ESRP1: variants seen among roughly 807,000 people sequenced by gnomAD.
ESRP1 encodes the protein epithelial splicing regulatory protein 1.
A neutral mutation model predicts 81.7 loss-of-function variants in ESRP1; 33 were observed. That is an observed-to-expected ratio of 0.40 (90% CI 0.31 to 0.54). The LOEUF (loss-of-function observed/expected upper bound fraction) is 0.54. Among genes scored for constraint, ESRP1 ranks in the 20% least tolerant of loss-of-function variants. ESRP1 has a pLI of 0.41. For synonymous variants in ESRP1, 320 were observed against 303.3 expected (o/e 1.06, Z -0.57); for missense variants, 672 against 833.1 (o/e 0.81, Z 2.38).
At chr8:94,676,939 A>C (rs111445967) in intron 12 of ESRP1, among the ~76,000 whole-genome samples, 2,864 of 151,966 alleles carry the variant, frequency 0.019, 75 homozygotes, top group African/African-American at 0.061. Flanking sequence ...GATCACCCGA[A>C]GTCAGGAGTT....
intron 13 of ESRP1, among the ~76,000 whole-genome samples, chr8:94,690,276 ATT>A (rs373440584): frequency 8.8e-4 from 54 of 61,360 alleles, no homozygotes; most frequent in African/African-American, 3.6e-3. Flanking sequence ...TGCCTGGCTA[ATT>A]TTTTTTTTTT....
intron 12 of ESRP1, among the ~76,000 whole-genome samples, chr8:94,675,658 G>A (rs975449275): frequency 6.6e-5 from 10 of 152,142 alleles, no homozygotes; most frequent in Non-Finnish European, 1.3e-4. Context: ...TAGCTTTTAC[G>A]ATATCCTTTA....
In ESRP1 at chr8:94,696,903, C is replaced by G; in HGVS notation, c.2023C>G (p.Pro675Ala). ...IHTNDQARTLPKEWVCI is the reference protein window; with the variant it reads ...IHTNDQARTLAKEWVCI ...CACAAATGACCAGGCCAGGACTCTACCCAAAGAATGGGTTTGTATTTAAGG... is the reference window on the plus strand; with the variant it reads ...CACAAATGACCAGGCCAGGACTCTAGCCAAAGAATGGGTTTGTATTTAAGG... The change falls in exon 15 of 16, where the codon CCC becomes GCC. Residue 675 changes from proline to alanine, a missense_variant. Transcript: ENST00000433389. 4 of 1,593,816 alleles carry G rather than the reference C, an allele frequency of 2.5e-6. No individual in the cohort carries two copies. The highest frequency in any genetic ancestry group is 3.4e-6 in the Non-Finnish European group (4 of 1,169,332).
chr8:94,641,797 G>T (rs971666322), intron 1 of ESRP1, 159 bp from the exon 2 acceptor site: 1 of 1,060,958 alleles, frequency 9.4e-7, no homozygotes, highest in Non-Finnish European at 1.3e-6. Flanking sequence ...GGGGCGGGGG[G>T]CAGGAACGCA....
intron 15 of ESRP1, among the ~76,000 whole-genome samples, chr8:94,704,774 A>G (rs955102958): frequency 0.074 from 1,520 of 20,556 alleles, 53 homozygotes; most frequent in South Asian, 0.19. Context: ...TTGAAAAAAA[A>G]AAAAAAAAAA....
intron 15 of ESRP1, among the ~76,000 whole-genome samples, chr8:94,703,281 A>G (rs1809922049): frequency 6.6e-6 from 1 of 151,974 alleles, no homozygotes; most frequent in African/African-American, 2.4e-5. Context: ...CAGCCTCCCG[A>G]GTAGCTGGGA....
At position 94,662,462 on chromosome 8, in the gene ESRP1, T is replaced by A. The variant is rs1818795233; in HGVS notation, c.590-39T>A. 5 of 1,576,668 alleles carry A rather than the reference T, an allele frequency of 3.2e-6. No homozygotes were observed. The South Asian group carries it at 5.9e-5, about 18-fold the overall frequency. ...ATTTCCTCCTACAACTTTGTCTCCCTAATCACTAAAATGATGACTTTTATG... is the reference window on the plus strand; with the variant it reads ...ATTTCCTCCTACAACTTTGTCTCCCAAATCACTAAAATGATGACTTTTATG... On this transcript the variant is annotated intron_variant, in intron 5 of 15. Coordinates refer to ENST00000433389, the MANE Select transcript of ESRP1 (RefSeq NM_017697.4).
chr8:94,667,457 G>A (rs922872550), intron 9 of ESRP1, among the ~76,000 whole-genome samples: 5 of 150,492 alleles, frequency 3.3e-5, no homozygotes, highest in Admixed American at 6.6e-5. Context: ...AGGTAATTGA[G>A]TTACTTGCAG....
At chr8:94,673,036 T>C (rs551210650) in intron 11 of ESRP1, among the ~76,000 whole-genome samples, 26 of 152,342 alleles carry the variant, frequency 1.7e-4, no homozygotes, top group Non-Finnish European at 3.7e-4. Context: ...ATACAAGGAA[T>C]CAGAAACCAT....
rs536251572 is a variant in ESRP1 at position 94,693,446 on chromosome 8, A to G, written c.1971+619A>G. ...GCTGTTTTCTCACATATGCTAAAGA[A>G]TGAGATGATTTTTAGTAAGAGTTCT... On this transcript the variant is annotated intron_variant, in intron 14 of 15. Coordinates refer to ENST00000433389, the MANE Select transcript of ESRP1 (RefSeq NM_017697.4). 6.8e-4 allele frequency among the ~76,000 whole-genome samples: 103 copies of G among 152,226 alleles called. 1 individual carries two copies. Among genetic ancestry groups the G allele is most frequent in the Non-Finnish European group, 1.4e-3 (93 of 68,046 alleles).
chr8:94,646,470 G>T (rs1338525583), intron 4 of ESRP1, 188 bp downstream of exon 4: 1 of 478,254 alleles, frequency 2.1e-6, no homozygotes, highest in Non-Finnish European at 3.7e-6. Context: ...TAATTAATCA[G>T]ATGGTTGGAC....
At chr8:94,657,472 CGTGTGTGTGTGTGTGT>C (rs9297944) in intron 4 of ESRP1, among the ~76,000 whole-genome samples, 10 of 146,268 alleles carry the variant, frequency 6.8e-5, no homozygotes, top group South Asian at 2.2e-4. Flanking sequence ...AGGCTGTGTG[CGTGTGTGTGTGTGTGT>C]GTGTGTGTGT....
intron 2 of ESRP1, among the ~76,000 whole-genome samples, chr8:94,642,787 A>G (rs1326437362): frequency 6.6e-6 from 1 of 152,192 alleles, no homozygotes; most frequent in Non-Finnish European, 1.5e-5. Context: ...ACCTGTGCAC[A>G]GATGAATGCT....
At chr8:94,677,544 C>T (rs1808694631) in intron 12 of ESRP1, among the ~76,000 whole-genome samples, 1 of 152,296 alleles carries the variant, frequency 6.6e-6, no homozygotes, top group East Asian at 1.9e-4. Context: ...ACTTAGGCAT[C>T]AATTCCTTTG....
In ESRP1 at chr8:94,678,360, G is replaced by A. The variant is rs1322714972; in HGVS notation, c.1809G>A (p.Ala603=). The change falls in exon 13 of 16, where the codon GCG becomes GCA. Residue 603 remains alanine, a synonymous_variant. Transcript: ENST00000433389. The part of the protein sequence containing the change: ...AGTQLFMNYT[A]YYPSPPGSPN... ...CTCAGCTCTTCATGAATTACACAGC[G>A]TACTATCCCAGGTAAGGCTCTGACA... 1.7e-5 allele frequency: 27 copies of A among 1,613,232 alleles called. No individual in the cohort carries two copies. Among genetic ancestry groups the A allele is most frequent in the Middle Eastern group, 3.3e-4 (2 of 6,076 alleles).
chr8:94,645,277 TAA>T (rs1328850158), intron 3 of ESRP1, among the ~76,000 whole-genome samples: 2 of 152,146 alleles, frequency 1.3e-5, no homozygotes, highest in African/African-American at 4.8e-5. Flanking sequence ...ATTTAACATT[TAA>T]AAGTCTTAAT....
At chr8:94,677,522 A>T (rs1808693661) in intron 12 of ESRP1, among the ~76,000 whole-genome samples, 1 of 152,164 alleles carries the variant, frequency 6.6e-6, no homozygotes, top group Non-Finnish European at 1.5e-5. Flanking sequence ...TTATTAGTTG[A>T]TTCCCAGGAA....
rs149252558 is a variant in ESRP1 at position 94,657,414 on chromosome 8, C to T, written c.491-4858C>T. On this transcript the variant is annotated intron_variant, in intron 4 of 15. Coordinates refer to ENST00000433389, the MANE Select transcript of ESRP1 (RefSeq NM_017697.4). ...TTTTTTCTCATTCCTCTCTGTTACT[C>T]GTTTTCAGTGATGCTAAGGATCATA... Among the ~76,000 whole-genome samples, 119 of 152,024 alleles carry T rather than the reference C, an allele frequency of 7.8e-4. 1 individual carries two copies. The East Asian group carries it at 0.021, about 27-fold the overall frequency.
intron 1 of ESRP1, 111 bp downstream of exon 1, chr8:94,641,561 A>C (rs1817589800): frequency 1.4e-6 from 2 of 1,472,354 alleles, no homozygotes; most frequent in Admixed American, 1.7e-5. Flanking sequence ...TTGTTTGCCC[A>C]CTTGTGAGTC....
Sources: gnomAD v4.1 joint callset for allele counts (sites outside exome capture counted in the v4.1 genomes callset) on GRCh38, gnomAD v4.1.1 for gene constraint, MANE v1.5 for transcripts, NCBI Gene and HGNC (gene_info 2026-07-23, HGNC 2026-07-21) for gene names.